The following DMD variants were observed in gnomAD, a reference collection of about 807,000 sequenced individuals.
DMD encodes dystrophin.
A neutral mutation model predicts 330.1 loss-of-function variants in DMD; 63 were observed. That is an observed-to-expected ratio of 0.19 (90% confidence interval 0.16 to 0.24). The LOEUF (loss-of-function observed/expected upper bound fraction) is 0.24. Among genes scored for constraint, DMD ranks in the 10% least tolerant of loss-of-function variants. The pLI, the probability that DMD is intolerant of heterozygous loss-of-function variation, is 1.00. For synonymous variants in DMD, 1,223 were observed against 959.8 expected (o/e 1.27, Z -5.07); for missense variants, 3,344 against 2,684.1 (o/e 1.25, Z -5.43).
At chrX:32,130,247 C>G (rs779064476) in intron 44 of DMD, among the ~76,000 whole-genome samples, 1 of 111,707 alleles carries the variant, frequency 9.0e-6, no homozygotes, top group African/African-American at 3.3e-5. Context: ...GCTACATATA[C>G]TTTTGGATTT....
At position 32,045,601 on chromosome X, in the gene DMD, C is replaced by T. The variant is rs2096059132; in HGVS notation, c.6439-77087G>A. Among the ~76,000 whole-genome samples the T allele has an allele frequency of 2.7e-5, 3 of 110,929 alleles. No individual in the cohort carries two copies. The South Asian group carries it at 1.2e-3, about 43-fold the overall frequency. ...CATGCTAACACAGACCCACCCTCCC[C>T]GTCTGTCCTTGATACTCTTGTTTTT... On this transcript the variant is annotated intron_variant, in intron 44 of 78. Coordinates refer to ENST00000357033, the MANE Select transcript of DMD (RefSeq NM_004006.3).
chrX:32,679,745 G>GA (rs1288758974), intron 9 of DMD, among the ~76,000 whole-genome samples: 1 of 108,528 alleles, frequency 9.2e-6, no homozygotes, highest in Non-Finnish European at 1.9e-5. Flanking sequence ...TTGGCAAAGC[G>GA]AAAAACACTT....
intron 47 of DMD, among the ~76,000 whole-genome samples, chrX:31,918,974 T>G (rs145472322): frequency 0.041 from 4,582 of 112,004 alleles, 80 homozygotes; most frequent in Non-Finnish European, 0.066. Flanking sequence ...ATTAAAATAG[T>G]TTTTGTCTGC....
intron 41 of DMD, among the ~76,000 whole-genome samples, chrX:32,332,507 C>A (rs934549565): frequency 1.9e-5 from 2 of 107,647 alleles, no homozygotes; most frequent in African/African-American, 6.8e-5. Flanking sequence ...GAAGTTAAGG[C>A]AGAAACGAAA....
At chrX:32,405,431 A>T (rs191145150) in intron 30 of DMD, among the ~76,000 whole-genome samples, 3 of 112,138 alleles carry the variant, frequency 2.7e-5, no homozygotes, top group East Asian at 5.6e-4. Context: ...ATTTTTAATC[A>T]TAGTACTTTG....
intron 47 of DMD, among the ~76,000 whole-genome samples, chrX:31,878,369 C>T (rs1383204419): frequency 8.9e-6 from 1 of 111,833 alleles, no homozygotes; most frequent in African/African-American, 3.2e-5. Flanking sequence ...TGGACCTTCA[C>T]CAAAAGTTTG....
chrX:32,047,093 C>G (rs1222760864), intron 44 of DMD, among the ~76,000 whole-genome samples: 2 of 111,468 alleles, frequency 1.8e-5, no homozygotes, highest in Non-Finnish European at 3.8e-5. Context: ...TATTAATACT[C>G]TCTTGAAATT....
chrX:33,185,796 C>A (rs2050231697), intron 1 of DMD, among the ~76,000 whole-genome samples: 1 of 111,752 alleles, frequency 8.9e-6, no homozygotes, highest in Admixed American at 9.5e-5. Flanking sequence ...TAGCTATTAA[C>A]AATTTTAAGA....
At chrX:32,569,151 A>G (rs767970394) in intron 15 of DMD, among the ~76,000 whole-genome samples, 2 of 111,710 alleles carry the variant, frequency 1.8e-5, no homozygotes, top group Non-Finnish European at 3.8e-5. Flanking sequence ...TACAGTCAAT[A>G]AATCAGACTG....
At chrX:32,053,732 C>T (rs1288385051) in intron 44 of DMD, among the ~76,000 whole-genome samples, 3 of 111,374 alleles carry the variant, frequency 2.7e-5, no homozygotes, top group Admixed American at 9.5e-5. Context: ...ATGACATCTC[C>T]CTGTGCAATC....
At position 31,890,382 on chromosome X, in the gene DMD, GAAAGAAAGAAA is replaced by G. The variant is rs1474618930; in HGVS notation, c.6913-15020_6913-15010del. 1.0e-4 allele frequency among the ~76,000 whole-genome samples: 11 copies of G among 107,351 alleles called. 1 individual carries two copies. In the East Asian group the frequency reaches 3.2e-3, roughly 31 times the overall value. 93.2% of individuals were successfully genotyped at this position (107,351 alleles called of 115,157 possible). A position where few individuals can be genotyped will look rare whatever the true frequency, so the allele number is the denominator to read the frequency against. ...AAACAAAAAAAAAAAGAAGAAGAAA[GAAAGAAAGAAA>G]AAAGAAAAACAAAGCAATTTATCAA... On this transcript the variant is annotated intron_variant, in intron 47 of 78. Transcript: ENST00000357033.
At chrX:32,082,455 C>A (rs992737878) in intron 44 of DMD, among the ~76,000 whole-genome samples, 1 of 109,299 alleles carries the variant, frequency 9.1e-6, no homozygotes, top group East Asian at 2.9e-4. Context: ...AGAGATGAGG[C>A]CTATTTTACT....
intron 48 of DMD, among the ~76,000 whole-genome samples, chrX:31,874,033 G>C (rs909143874): frequency 9.0e-6 from 1 of 111,602 alleles, no homozygotes; most frequent in Non-Finnish European, 1.9e-5. Context: ...AAATACTCAG[G>C]TGTATAAAAT....
At chrX:31,203,399 G>A (rs2043724673) in intron 67 of DMD, among the ~76,000 whole-genome samples, 1 of 109,968 alleles carries the variant, frequency 9.1e-6, no homozygotes, top group African/African-American at 3.3e-5. Flanking sequence ...CACTGACTAC[G>A]ACAGAGAAAA....
At chrX:32,857,203 C>G (rs748623858) in intron 2 of DMD, among the ~76,000 whole-genome samples, 1 of 112,099 alleles carries the variant, frequency 8.9e-6, no homozygotes, top group East Asian at 2.8e-4. Flanking sequence ...ATCTATTTAC[C>G]CCCTAAATAT....
chrX:31,845,200 G>A (rs1463073787), intron 48 of DMD, among the ~76,000 whole-genome samples: 1 of 110,986 alleles, frequency 9.0e-6, no homozygotes, highest in Non-Finnish European at 1.9e-5. Flanking sequence ...ATGGAATGAA[G>A]TGAAGAAATG....
chrX:32,477,736 A>G (rs1052981094), intron 21 of DMD, among the ~76,000 whole-genome samples: 19 of 110,951 alleles, frequency 1.7e-4, no homozygotes, highest in South Asian at 3.8e-4. Context: ...ACTGAAAAAA[A>G]AAATCTCTCC....
intron 55 of DMD, among the ~76,000 whole-genome samples, chrX:31,605,338 G>T (rs2077559438): frequency 8.9e-6 from 1 of 111,937 alleles, no homozygotes; most frequent in African/African-American, 3.2e-5. Context: ...GACACAGACT[G>T]AATTCAAATA....
chrX:32,108,266 T>G (rs192731069), intron 44 of DMD, among the ~76,000 whole-genome samples: 295 of 111,101 alleles, frequency 2.7e-3, no homozygotes, highest in African/African-American at 9.1e-3. Context: ...TAAGATTGGT[T>G]AAAAAAAATC....
Sources: allele counts gnomAD v4.1 joint callset (sites outside exome capture counted in the v4.1 genomes callset), GRCh38; gene constraint gnomAD v4.1.1; transcripts MANE v1.5; gene names NCBI Gene and HGNC (gene_info 2026-07-23, HGNC 2026-07-21).